CHRNA3: variants seen among roughly 807,000 people sequenced by gnomAD.
CHRNA3 encodes the protein neuronal acetylcholine receptor subunit alpha-3.
In CHRNA3, 34 loss-of-function variants were observed where a neutral mutation model predicts 41.9. The ratio of observed to expected loss-of-function variants is 0.81; its 90% CI spans 0.62 to 1.08. The LOEUF (loss-of-function observed/expected upper bound fraction) is 1.08. Among genes scored for constraint, CHRNA3 ranks in the 50% least tolerant of loss-of-function variants. CHRNA3 has a pLI of 0.00. For synonymous variants in CHRNA3, 281 were observed against 265.2 expected (o/e 1.06, Z -0.58); for missense variants, 542 against 638.3 (o/e 0.85, Z 1.63).
chr15:78,612,618 C>T lies in CHRNA3; in HGVS notation c.377+4406G>A, dbSNP rs78335848. Reference sequence around the variant, plus strand: ...TTAGACCTAAAACCATAAAAACCCTCGAAGAAAACCTAGGCAATACCATTC... The same window carrying T: ...TTAGACCTAAAACCATAAAAACCCTTGAAGAAAACCTAGGCAATACCATTC... On this transcript the variant is annotated intron_variant, in intron 4 of 5. Coordinates refer to ENST00000326828, the MANE Select transcript of CHRNA3 (RefSeq NM_000743.5). Among the ~76,000 whole-genome samples the T allele has an allele frequency of 3.4e-5, 3 of 88,876 alleles. 1 individual carries two copies. Among genetic ancestry groups the T allele is most frequent in the Admixed American group, 1.8e-4 (2 of 10,828 alleles). The allele number at this position is 88,876 out of a possible 152,430, so 58.3% of individuals were successfully genotyped here. A position where few individuals can be genotyped will look rare whatever the true frequency, so the allele number is the denominator to read the frequency against.
intron 5 of CHRNA3, among the ~76,000 whole-genome samples, chr15:78,598,499 A>G (rs1195121033): frequency 6.6e-6 from 1 of 151,920 alleles, no homozygotes; most frequent in Non-Finnish European, 1.5e-5. Context: ...GGCTCAAGTA[A>G]TCTTCCCCAC....
chr15:78,603,933 A>G (rs1046669665), intron 4 of CHRNA3, among the ~76,000 whole-genome samples: 2 of 152,136 alleles, frequency 1.3e-5, no homozygotes, highest in South Asian at 2.1e-4. Flanking sequence ...ACAGTCCCCA[A>G]GTGGACTCAG....
At position 78,620,866 on chromosome 15, in the gene CHRNA3, C is replaced by T; in HGVS notation, c.-72G>A. 2.3e-6 allele frequency: 3 copies of T among 1,317,628 alleles called. No individual in the cohort carries two copies. Among genetic ancestry groups the T allele is most frequent in the African/African-American group, 1.6e-5 (1 of 64,406 alleles). 81.6% of individuals were successfully genotyped at this position (1,317,628 alleles called of 1,614,324 possible). A position where few individuals can be genotyped will look rare whatever the true frequency, so the allele number is the denominator to read the frequency against. On this transcript the variant is annotated 5_prime_UTR_variant, in exon 1 of 6. Transcript: ENST00000326828. ...GCGGCGGTCGCAGAGACGGCCTCTC[C>T]CCGCGCGGCTCCAGCGCAGACCCCA...
At chr15:78,620,404 A>C in intron 1 of CHRNA3, 3 of 237,706 alleles carry the variant, frequency 1.3e-5, no homozygotes, top group Non-Finnish European at 1.7e-5. Context: ...CGGGGACGCG[A>C]ATCCCCAACT....
At chr15:78,604,395 C>A (rs561064252) in intron 4 of CHRNA3, among the ~76,000 whole-genome samples, 22 of 152,332 alleles carry the variant, frequency 1.4e-4, no homozygotes, top group Admixed American at 1.3e-3. Flanking sequence ...TATGGCAGAA[C>A]CTTGGCCATT....
In CHRNA3 at chr15:78,618,823, G is replaced by A; in HGVS notation, c.175C>T (p.Pro59Ser). The A allele has an allele frequency of 6.2e-7, 1 of 1,614,004 alleles. No homozygotes were observed. The highest frequency in any genetic ancestry group is 8.5e-7 in the Non-Finnish European group (1 of 1,179,914). Residue 59 changes from proline (P) to serine (S), a missense_variant, in exon 2 of 6, where the codon CCA becomes TCA. Transcript: ENST00000326828. Reference sequence around the variant, plus strand: ...GACACCTCGAAATGGATGATGACTGGGTCAGACACGTTGGCTACAGGCCGG... The same window carrying A: ...GACACCTCGAAATGGATGATGACTGAGTCAGACACGTTGGCTACAGGCCGG... ...IIRPVANVSD[P>S]VIIHFEVSMS...
At chr15:78,599,853 TAAAAATACA>T (rs981094416) in intron 5 of CHRNA3, 6 of 86,782 alleles carry the variant, frequency 6.9e-5, no homozygotes, top group Non-Finnish European at 1.3e-4. Context: ...CCCTCTCTAT[TAAAAATACA>T]AAAAATTAGG....
rs543528089 is a variant in CHRNA3 at position 78,596,421 on chromosome 15, G to A, written c.*183C>T. ...AAGGCTAGTTAAATGTTCATTTATC[G>A]GTAATAAATACTCTTGACATTTTTT... On this transcript the variant is annotated 3_prime_UTR_variant, in exon 6 of 6. Transcript: ENST00000326828. 26 of 1,255,208 alleles carry A rather than the reference G, an allele frequency of 2.1e-5. No individual in the cohort carries two copies. In the South Asian group the frequency reaches 3.8e-4, roughly 18 times the overall value. 77.8% of individuals were successfully genotyped at this position (1,255,208 alleles called of 1,614,324 possible). A position where few individuals can be genotyped will look rare whatever the true frequency, so the allele number is the denominator to read the frequency against.
intron 4 of CHRNA3, among the ~76,000 whole-genome samples, chr15:78,605,555 G>A (rs899962444): frequency 1.3e-5 from 2 of 152,162 alleles, no homozygotes; most frequent in African/African-American, 4.8e-5. Flanking sequence ...GGGGAACAAT[G>A]GAACAGAGAG....
chr15:78,611,397 G>A (rs1340247939), intron 4 of CHRNA3, among the ~76,000 whole-genome samples: 1 of 151,362 alleles, frequency 6.6e-6, no homozygotes, highest in African/African-American at 2.4e-5. Flanking sequence ...TCATCCCTGG[G>A]ATGCAAGGCT....
chr15:78,612,264 T>A (rs2053391191), intron 4 of CHRNA3, among the ~76,000 whole-genome samples: 1 of 150,174 alleles, frequency 6.7e-6, no homozygotes. Flanking sequence ...GCCAAGTCAA[T>A]CCTAAGCCAA....
chr15:78,606,862 A>G (rs1342090781), intron 4 of CHRNA3, among the ~76,000 whole-genome samples: 1 of 152,084 alleles, frequency 6.6e-6, no homozygotes, highest in Non-Finnish European at 1.5e-5. Flanking sequence ...TCATGCCACC[A>G]CGAGAGTCTG....
chr15:78,610,269 T>C (rs1303294381), intron 4 of CHRNA3, among the ~76,000 whole-genome samples: 2 of 152,138 alleles, frequency 1.3e-5, no homozygotes, highest in African/African-American at 4.8e-5. Context: ...CAACAGAACA[T>C]ACATTTTTTT....
chr15:78,602,085 T>G lies in CHRNA3; in HGVS notation c.557A>C (p.Lys186Thr). 1 of 1,614,176 alleles carries G rather than the reference T, an allele frequency of 6.2e-7. No individual in the cohort carries two copies. Among genetic ancestry groups the G allele is most frequent in the Non-Finnish European group, 8.5e-7 (1 of 1,180,026 alleles). ...AGAGCCGATCAGGACCAGATCGATT[T>G]TCGCCTTATCGTAGGACCAGGAACC... ...KFGSWSYDKA[K>T]IDLVLIGSSM... Residue 186 changes from lysine to threonine, a missense_variant, in exon 5 of 6, where the codon AAA (lysine) becomes ACA (threonine). By Grantham distance (78) the Lys-to-Thr change is moderately conservative. Coordinates refer to ENST00000326828, the MANE Select transcript of CHRNA3 (RefSeq NM_000743.5).
At position 78,620,859 on chromosome 15, in the gene CHRNA3, G is replaced by A; in HGVS notation, c.-65C>T. The stretch of plus-strand genomic sequence containing the variant: ...AGCGGGCGCGGCGGTCGCAGAGACG[G>A]CCTCTCCCCGCGCGGCTCCAGCGCA... On this transcript the variant is annotated 5_prime_UTR_variant, in exon 1 of 6. Coordinates refer to ENST00000326828, the MANE Select transcript of CHRNA3 (RefSeq NM_000743.5). 3.8e-6 allele frequency: 5 copies of A among 1,319,892 alleles called. No homozygotes were observed. The highest frequency in any genetic ancestry group is 4.8e-6 in the Non-Finnish European group (5 of 1,043,412). The allele number at this position is 1,319,892 out of a possible 1,614,324, so 81.8% of individuals were successfully genotyped here. A position where few individuals can be genotyped will look rare whatever the true frequency, so the allele number is the denominator to read the frequency against.
intron 3 of CHRNA3, 29 bp downstream of exon 3, chr15:78,618,588 G>T: frequency 6.2e-7 from 1 of 1,613,430 alleles, no homozygotes; most frequent in Non-Finnish European, 8.5e-7. Context: ...CCACCAGGGG[G>T]CAGCAGTGCC....
chr15:78,617,488 C>T (rs999185520), intron 3 of CHRNA3, among the ~76,000 whole-genome samples: 2 of 152,136 alleles, frequency 1.3e-5, no homozygotes, highest in South Asian at 2.1e-4. Context: ...TGCCTGTTTA[C>T]AGCCCCTGAA....
At chr15:78,613,795 A>T (rs1231235796) in intron 4 of CHRNA3, among the ~76,000 whole-genome samples, 3 of 151,434 alleles carry the variant, frequency 2.0e-5, no homozygotes, top group African/African-American at 4.8e-5. Context: ...ACCACAAAAA[A>T]ATTAGCCAGG....
intron 4 of CHRNA3, among the ~76,000 whole-genome samples, chr15:78,613,520 T>C (rs2053412794): frequency 7.9e-6 from 1 of 125,984 alleles, no homozygotes; most frequent in African/African-American, 3.1e-5. Flanking sequence ...AATTGAACAA[T>C]GAGAACACAT....
Sources: allele counts gnomAD v4.1 joint callset (sites outside exome capture counted in the v4.1 genomes callset), GRCh38; gene constraint gnomAD v4.1.1; transcripts MANE v1.5; gene names NCBI Gene and HGNC (gene_info 2026-07-23, HGNC 2026-07-21).